HADH: variants seen among roughly 807,000 people sequenced by gnomAD.
HADH encodes the protein hydroxyacyl-coenzyme A dehydrogenase, mitochondrial.
Under a neutral mutation model 32.2 loss-of-function variants are expected in HADH, and 24 were observed. That is an observed-to-expected ratio of 0.75 (90% CI 0.54 to 1.05). The LOEUF (loss-of-function observed/expected upper bound fraction) is 1.05. HADH is among the 50% of genes least tolerant of loss of function. The probability of loss-of-function intolerance (pLI) is 0.00; values close to 1 mark genes in which losing one functional copy is unlikely to be tolerated. For synonymous variants in HADH, 139 were observed against 152.5 expected (o/e 0.91, Z 0.65); for missense variants, 350 against 397.1 (o/e 0.88, Z 1.01).
intron 1 of HADH, among the ~76,000 whole-genome samples, chr4:107,994,815 C>T (rs1734907597): frequency 1.3e-5 from 2 of 152,176 alleles, no homozygotes; most frequent in Non-Finnish European, 1.5e-5. Flanking sequence ...GTAGAACCAC[C>T]CTCTATTAGC....
At chr4:107,991,091 G>A (rs572570286) in intron 1 of HADH, among the ~76,000 whole-genome samples, 5 of 152,006 alleles carry the variant, frequency 3.3e-5, no homozygotes, top group African/African-American at 1.2e-4. Context: ...CCATTGTTCT[G>A]CTGAGCTGTG....
At chr4:108,004,828 A>C (rs774098739) in intron 1 of HADH, 1 of 1,536,008 alleles carries the variant, frequency 6.5e-7, no homozygotes, top group South Asian at 1.2e-5. Context: ...TGTCTGCTGG[A>C]GGAAGGAACA....
intron 3 of HADH, among the ~76,000 whole-genome samples, chr4:108,017,046 C>T (rs1258462616): frequency 6.6e-6 from 1 of 152,220 alleles, no homozygotes; most frequent in Non-Finnish European, 1.5e-5. Flanking sequence ...TGCTGACCTT[C>T]TCCACCTTTC....
chr4:108,003,822 A>G (rs894564061), intron 1 of HADH, among the ~76,000 whole-genome samples: 1 of 151,982 alleles, frequency 6.6e-6, no homozygotes, highest in African/African-American at 2.4e-5. Flanking sequence ...AAAAAAAAAA[A>G]AAAACAAAAA....
At position 108,004,638 on chromosome 4, in the gene HADH, AC is replaced by A. The variant is rs1389001215; in HGVS notation, c.133-5119del. The stretch of plus-strand genomic sequence containing the variant: ...TCAGGAGGAGTAACTGGAAGCCATA[AC>A]CATGAACTTCCATATCTGTCATAGG... On this transcript the variant is annotated intron_variant, in intron 1 of 7. Coordinates refer to ENST00000309522, the MANE Select transcript of HADH (RefSeq NM_005327.7). 5 of 1,509,304 alleles carry A rather than the reference AC, an allele frequency of 3.3e-6. No individual in the cohort carries two copies. In the African/African-American group the frequency reaches 6.9e-5, roughly 21 times the overall value. 93.5% of individuals were successfully genotyped at this position (1,509,304 alleles called of 1,614,324 possible).
intron 5 of HADH, chr4:108,025,949 A>C (rs1308479537): frequency 6.6e-6 from 1 of 152,226 alleles, no homozygotes; most frequent in African/African-American, 2.4e-5. Flanking sequence ...CTGCATTCTC[A>C]ATAGCATCAA....
At chr4:107,990,829 A>T (rs907637123) in intron 1 of HADH, among the ~76,000 whole-genome samples, 5 of 143,130 alleles carry the variant, frequency 3.5e-5, no homozygotes, top group African/African-American at 1.3e-4. Context: ...GGTTCACTGC[A>T]ACCTCCGCCT....
At chr4:108,033,346 A>G in intron 7 of HADH, 54 bp downstream of exon 7, 5 of 911,122 alleles carry the variant, frequency 5.5e-6, no homozygotes, top group Admixed American at 5.1e-5. Flanking sequence ...TCTGAACTGT[A>G]AATTATAATG....
At chr4:108,020,519 T>G (rs2126232672) in intron 4 of HADH, among the ~76,000 whole-genome samples, 1 of 152,204 alleles carries the variant, frequency 6.6e-6, no homozygotes, top group African/African-American at 2.4e-5. Flanking sequence ...TCTGATAGCC[T>G]TGAGCCTCCT....
At chr4:107,996,877 G>A (rs1382056735) in intron 1 of HADH, among the ~76,000 whole-genome samples, 1 of 146,774 alleles carries the variant, frequency 6.8e-6, no homozygotes. Context: ...CTGGCCAACA[G>A]AGCAAGACTC....
intron 3 of HADH, among the ~76,000 whole-genome samples, chr4:108,018,097 A>C (rs1391421564): frequency 6.6e-6 from 1 of 152,122 alleles, no homozygotes; most frequent in East Asian, 1.9e-4. Flanking sequence ...CCCTTTTTGC[A>C]GGTGAATGGC....
In HADH at chr4:108,014,953, A is replaced by G. The variant is rs118060513; in HGVS notation, c.419+365A>G. On this transcript the variant is annotated intron_variant, in intron 3 of 7. Coordinates refer to ENST00000309522, the MANE Select transcript of HADH (RefSeq NM_005327.7). ...CTTCACTCCTGTTCATGTTGCTTCA[A>G]AAGACATGATTTTATTCTTTTTTAT... 5.4e-4 allele frequency among the ~76,000 whole-genome samples: 83 copies of G among 152,308 alleles called. No individual in the cohort carries two copies. The East Asian group carries it at 0.011, about 19-fold the overall frequency.
chr4:108,019,408 C>T (rs1735803091), intron 3 of HADH, 132 bp from the exon 4 acceptor site: 2 of 795,994 alleles, frequency 2.5e-6, no homozygotes, highest in Non-Finnish European at 4.5e-6. Context: ...TGTGTCTTCT[C>T]CCTCATTCCC....
intron 4 of HADH, among the ~76,000 whole-genome samples, chr4:108,022,183 GTGTGTATGTGTGTGTGTA>G (rs1261283458): frequency 6.7e-6 from 1 of 148,314 alleles, no homozygotes; most frequent in East Asian, 2.0e-4. Flanking sequence ...GTGTGTGTGT[GTGTGTATGTGTGTGTGTA>G]TGTGTGTGTG....
intron 1 of HADH, among the ~76,000 whole-genome samples, chr4:107,996,190 A>G (rs1560721508): frequency 6.6e-6 from 1 of 152,164 alleles, no homozygotes; most frequent in Non-Finnish European, 1.5e-5. Context: ...CTGAATTGTC[A>G]TGGGAGCCTC....
At chr4:107,992,233 A>T (rs1734837646) in intron 1 of HADH, among the ~76,000 whole-genome samples, 1 of 152,246 alleles carries the variant, frequency 6.6e-6, no homozygotes, top group African/African-American at 2.4e-5. Flanking sequence ...GGCTGGACAC[A>T]TAATGGAACT....
intron 5 of HADH, chr4:108,027,436 C>T: frequency 1.8e-6 from 1 of 551,328 alleles, no homozygotes; most frequent in Non-Finnish European, 3.3e-6. Context: ...CACACCTGTG[C>T]CTTGATCTGT....
intron 3 of HADH, among the ~76,000 whole-genome samples, chr4:108,015,169 A>G (rs568240894): frequency 5.3e-4 from 81 of 152,236 alleles, no homozygotes; most frequent in African/African-American, 1.9e-3. Flanking sequence ...GCTGGATCGC[A>G]TGGTAGTTCT....
At position 108,034,499 on chromosome 4, in the gene HADH, G is replaced by A. The variant is rs560215584; in HGVS notation, c.*142G>A. On this transcript the variant is annotated 3_prime_UTR_variant, in exon 8 of 8. Transcript: ENST00000309522. ...ATGTGCATTTTGATTGTAATCTATCGAAGTGATTATTACACCAGTTACAGC... is the reference window on the plus strand; with the variant it reads ...ATGTGCATTTTGATTGTAATCTATCAAAGTGATTATTACACCAGTTACAGC... The A allele has an allele frequency of 1.8e-4, 129 of 727,130 alleles. No homozygotes were observed. The East Asian group carries it at 2.5e-3, about 14-fold the overall frequency. The allele number at this position is 727,130 out of a possible 1,614,324, so 45.0% of individuals were successfully genotyped here. A position where few individuals can be genotyped will look rare whatever the true frequency, so the allele number is the denominator to read the frequency against.
Sources: gnomAD v4.1 joint callset for allele counts (sites outside exome capture counted in the v4.1 genomes callset) on GRCh38, gnomAD v4.1.1 for gene constraint, MANE v1.5 for transcripts, NCBI Gene and HGNC (gene_info 2026-07-23, HGNC 2026-07-21) for gene names.